The following ROBO2 variants were observed in gnomAD, a reference collection of about 807,000 sequenced individuals.
ROBO2 encodes the protein roundabout homolog 2.
ROBO2 carries 53 observed loss-of-function variants against 160.8 expected under a neutral mutation model. The observed-to-expected ratio is 0.33, with a 90% CI of 0.26 to 0.41. The LOEUF (loss-of-function observed/expected upper bound fraction) is 0.41, where lower values mean the gene tolerates loss of function less well. ROBO2 is among the 10% of genes least tolerant of loss of function. ROBO2 has a pLI of 1.00. For missense variants in ROBO2, 1,577 were observed against 1,722.4 expected, an observed-to-expected ratio of 0.92 and a Z score of 1.49; for synonymous variants, 664 against 611.7, an observed-to-expected ratio of 1.09 and a Z score of -1.26.
At chr3:76,421,725 TA>T (rs11371650) in intron 2 of ROBO2, among the ~76,000 whole-genome samples, 17 of 148,096 alleles carry the variant, frequency 1.1e-4, no homozygotes, top group Admixed American at 2.7e-4. Context: ...AAACTCCATC[TA>T]AAAAAAAAAA....
intron 2 of ROBO2, among the ~76,000 whole-genome samples, chr3:76,399,492 G>A (rs1442201911): frequency 6.6e-6 from 1 of 151,712 alleles, no homozygotes; most frequent in Admixed American, 6.6e-5. Flanking sequence ...GCCTGCTTTA[G>A]TACCCCTAAG....
intron 2 of ROBO2, among the ~76,000 whole-genome samples, chr3:76,757,713 T>A (rs2061060609): frequency 6.6e-6 from 1 of 151,754 alleles, no homozygotes; most frequent in South Asian, 2.1e-4. Flanking sequence ...AATATAAACA[T>A]AATAACTGAT....
At chr3:77,483,975 A>G in intron 4 of ROBO2, among the ~76,000 whole-genome samples, 1 of 151,762 alleles carries the variant, frequency 6.6e-6, no homozygotes, top group East Asian at 1.9e-4. Context: ...TTGAAGTTGT[A>G]TAGTTTAAAA....
At chr3:76,622,260 A>T (rs1386497838) in intron 2 of ROBO2, among the ~76,000 whole-genome samples, 3 of 71,262 alleles carry the variant, frequency 4.2e-5, no homozygotes, top group Non-Finnish European at 5.8e-5. Flanking sequence ...GAAAGAAAGA[A>T]AGAAAGAAAG....
At chr3:76,951,785 A>ACC (rs2078971542) in intron 2 of ROBO2, among the ~76,000 whole-genome samples, 1 of 152,122 alleles carries the variant, frequency 6.6e-6, no homozygotes, top group Admixed American at 6.5e-5. Flanking sequence ...ACTGATATAT[A>ACC]CCATGCTCCA....
chr3:76,080,312 T>C (rs1441181398), intron 2 of ROBO2, among the ~76,000 whole-genome samples: 1 of 152,172 alleles, frequency 6.6e-6, no homozygotes, highest in Non-Finnish European at 1.5e-5. Context: ...TATCCCAACA[T>C]AGTGAGACCA....
At chr3:77,216,238 C>T (rs890043427) in intron 2 of ROBO2, among the ~76,000 whole-genome samples, 11 of 152,132 alleles carry the variant, frequency 7.2e-5, no homozygotes, top group African/African-American at 2.4e-4. Context: ...TTCGAACTTC[C>T]TGGCCGCTTT....
intron 2 of ROBO2, among the ~76,000 whole-genome samples, chr3:77,425,988 A>T (rs2153536806): frequency 6.6e-6 from 1 of 152,208 alleles, no homozygotes; most frequent in South Asian, 2.1e-4. Context: ...TGGTGTGACT[A>T]GAAACCATGA....
At position 76,676,466 on chromosome 3, in the gene ROBO2, C is replaced by A. The variant is rs147293983; in HGVS notation, c.110-421548C>A. Reference sequence around the variant, plus strand: ...CTTCTTGGGCAGTTCTTTATAGCAGCGTGAAAACGGACTAATACAACAAGG... The same window carrying A: ...CTTCTTGGGCAGTTCTTTATAGCAGAGTGAAAACGGACTAATACAACAAGG... On this transcript the variant is annotated intron_variant, in intron 2 of 26. Transcript: ENST00000487694. Among the ~76,000 whole-genome samples the A allele has an allele frequency of 3.2e-3, 480 of 152,170 alleles. 2 individuals carry two copies. The highest frequency in any genetic ancestry group is 0.011 in the African/African-American group (455 of 41,518).
intron 2 of ROBO2, among the ~76,000 whole-genome samples, chr3:76,030,942 A>G (rs938286682): frequency 6.6e-6 from 1 of 152,164 alleles, no homozygotes; most frequent in Non-Finnish European, 1.5e-5. Flanking sequence ...CACTGAATCT[A>G]TAAATTACCT....
At chr3:77,299,964 G>A (rs1019445876) in intron 2 of ROBO2, among the ~76,000 whole-genome samples, 1 of 151,870 alleles carries the variant, frequency 6.6e-6, no homozygotes, top group Admixed American at 6.6e-5. Context: ...GGATTCAAAT[G>A]TTTCCGTGTC....
At chr3:76,822,969 A>C (rs1459076941) in intron 2 of ROBO2, among the ~76,000 whole-genome samples, 1 of 152,064 alleles carries the variant, frequency 6.6e-6, no homozygotes, top group African/African-American at 2.4e-5. Context: ...ATCCTATAAA[A>C]CTACGAGAAA....
intron 2 of ROBO2, among the ~76,000 whole-genome samples, chr3:76,775,434 T>C (rs1560539978): frequency 6.6e-6 from 1 of 150,900 alleles, no homozygotes; most frequent in Non-Finnish European, 1.5e-5. Flanking sequence ...ATTTGTAAGA[T>C]ATTTACAGGA....
intron 2 of ROBO2, among the ~76,000 whole-genome samples, chr3:76,383,132 T>A (rs1335315937): frequency 6.6e-6 from 1 of 152,180 alleles, no homozygotes; most frequent in East Asian, 1.9e-4. Flanking sequence ...AGGCTAGTAT[T>A]GAACAGAAAA....
At chr3:77,191,322 G>A (rs1413395540) in intron 2 of ROBO2, among the ~76,000 whole-genome samples, 2 of 152,016 alleles carry the variant, frequency 1.3e-5, no homozygotes, top group Non-Finnish European at 2.9e-5. Context: ...TTGTGCCACT[G>A]GTTAGTCCAG....
chr3:76,138,211 A>G (rs1029148513), intron 2 of ROBO2, among the ~76,000 whole-genome samples: 1 of 152,122 alleles, frequency 6.6e-6, no homozygotes. Context: ...TAAACTACCT[A>G]TGAGACAAAT....
At chr3:77,203,493 C>T (rs1162019623) in intron 2 of ROBO2, among the ~76,000 whole-genome samples, 1 of 152,090 alleles carries the variant, frequency 6.6e-6, no homozygotes, top group Non-Finnish European at 1.5e-5. Flanking sequence ...TGATGTGTAA[C>T]CGAGTTATCG....
intron 2 of ROBO2, among the ~76,000 whole-genome samples, chr3:77,416,550 C>T (rs534296718): frequency 1.3e-5 from 2 of 151,764 alleles, no homozygotes; most frequent in Non-Finnish European, 2.9e-5. Flanking sequence ...AACACCATCA[C>T]TACTAAAAAT....
intron 2 of ROBO2, among the ~76,000 whole-genome samples, chr3:75,976,021 T>C (rs113607211): frequency 1.1e-3 from 165 of 151,628 alleles, no homozygotes; most frequent in Admixed American, 3.9e-3. Flanking sequence ...TCAATGTACA[T>C]GAAGCAGAAG....
Sources: gnomAD v4.1 joint callset for allele counts (sites outside exome capture counted in the v4.1 genomes callset) on GRCh38, gnomAD v4.1.1 for gene constraint, MANE v1.5 for transcripts, NCBI Gene and HGNC (gene_info 2026-07-23, HGNC 2026-07-21) for gene names.